The following SEC22A variants were observed in gnomAD, a reference collection of about 807,000 sequenced individuals.
SEC22A encodes the protein SEC22 homolog A, vesicle trafficking protein.
In SEC22A, 22 loss-of-function variants were observed where a neutral mutation model predicts 35.3. That is an observed-to-expected ratio of 0.62 (90% confidence interval 0.45 to 0.89). The LOEUF is 0.89. Among genes scored for constraint, SEC22A ranks in the 40% least tolerant of loss-of-function variants. The pLI is 0.00. For synonymous variants in SEC22A, 119 were observed against 129.5 expected, an observed-to-expected ratio of 0.92 and a Z score of 0.55; for missense variants, 354 against 362.5, an observed-to-expected ratio of 0.98 and a Z score of 0.19.
rs77315752 is a variant in SEC22A, at chr3:123,214,248, T to C, written c.182+4849T>C. The stretch of plus-strand genomic sequence containing the variant: ...ATAAAATAAAATTGAGAAAATTCCT[T>C]TAGTTTTCTTCTCCTCTGTATTGGG... On this transcript the variant is annotated intron_variant, in intron 2 of 6. Transcript: ENST00000492595. 3.4e-4 allele frequency among the ~76,000 whole-genome samples: 52 copies of C among 152,274 alleles called. No individual in the cohort carries two copies. The East Asian group carries it at 9.6e-3, about 28-fold the overall frequency.
intron 2 of SEC22A, among the ~76,000 whole-genome samples, chr3:123,217,109 G>A (rs1407482458): frequency 6.6e-6 from 1 of 152,122 alleles, no homozygotes; most frequent in African/African-American, 2.4e-5. Flanking sequence ...GATTACAGGT[G>A]TGAGCCGCTG....
Position 123,250,027 on chromosome 3 carries a change from ACT to A in SEC22A, c.657+4018_657+4019del, listed in dbSNP as rs777948875. Among the ~76,000 whole-genome samples the A allele has an allele frequency of 6.6e-5, 10 of 152,222 alleles. No individual in the cohort carries two copies. The East Asian group carries it at 9.6e-4, about 15-fold the overall frequency. On this transcript the variant is annotated intron_variant, in intron 5 of 6. Transcript: ENST00000492595. ...AGAGGAGAGAAGAAAAATATGTGGA[ACT>A]CTCTGCTTAATTTTCTGTAGACCTA...
intron 4 of SEC22A, among the ~76,000 whole-genome samples, chr3:123,227,961 A>C (rs891435347): frequency 2.0e-5 from 3 of 151,864 alleles, no homozygotes; most frequent in Non-Finnish European, 2.9e-5. Flanking sequence ...AAAAAAAAAA[A>C]AACTCCAGTT....
At chr3:123,247,476 C>T (rs1378523932) in intron 5 of SEC22A, among the ~76,000 whole-genome samples, 3 of 152,204 alleles carry the variant, frequency 2.0e-5, no homozygotes, top group Non-Finnish European at 4.4e-5. Context: ...ATTTCAGGCA[C>T]TCAGATATTA....
chr3:123,204,437 C>T (rs1936813540), intron 1 of SEC22A, among the ~76,000 whole-genome samples: 1 of 152,122 alleles, frequency 6.6e-6, no homozygotes, highest in African/African-American at 2.4e-5. Context: ...TTAAAAGTGG[C>T]ATTTGTGAAA....
Position 123,232,787 on chromosome 3 carries a change from A to G in SEC22A, c.541+7490A>G, listed in dbSNP as rs146250177. 3.2e-3 allele frequency among the ~76,000 whole-genome samples: 487 copies of G among 152,336 alleles called. 3 individuals carry two copies. The highest frequency in any genetic ancestry group is 0.011 in the African/African-American group (444 of 41,582). On this transcript the variant is annotated intron_variant, in intron 4 of 6. Coordinates refer to ENST00000492595, the MANE Select transcript of SEC22A (RefSeq NM_012430.5). ...ATGCAGACCAATATATCTTATGAAT[A>G]TGGACACAAAAGTCCTCAGCAAAAT...
At position 123,259,576 on chromosome 3, in the gene SEC22A, C is replaced by G; in HGVS notation, c.710C>G (p.Ala237Gly). 1 of 1,611,364 alleles carries G rather than the reference C, an allele frequency of 6.2e-7. No individual in the cohort carries two copies. The highest frequency in any genetic ancestry group is 1.1e-5 in the South Asian group (1 of 90,798). Residue 237 changes from alanine to glycine, a missense_variant, in exon 6 of 7, where the codon GCC becomes GGC. Transcript: ENST00000492595. ...YIIAFFLGTA[A>G]CLYQCYLLVY... ...ATTGCATTTTTCCTTGGAACAGCAG[C>G]CTGCCTTTACCAGGTAGGTTTTCTT...
chr3:123,264,697 C>A (rs1456466106), intron 6 of SEC22A, among the ~76,000 whole-genome samples: 1 of 150,380 alleles, frequency 6.6e-6, no homozygotes, highest in Non-Finnish European at 1.5e-5. Context: ...GTCATGATCT[C>A]GGCTCACTGC....
chr3:123,256,669 A>C (rs919211006), intron 5 of SEC22A, among the ~76,000 whole-genome samples: 13 of 150,636 alleles, frequency 8.6e-5, no homozygotes, highest in African/African-American at 3.2e-4. Flanking sequence ...ATCAGTTATC[A>C]CTTTGGGTGG....
intron 6 of SEC22A, among the ~76,000 whole-genome samples, chr3:123,269,757 C>T (rs998408095): frequency 3.3e-5 from 5 of 151,282 alleles, no homozygotes; most frequent in South Asian, 2.1e-4. Context: ...CTCAGCTTCC[C>T]GAGTAGCTGG....
intron 4 of SEC22A, among the ~76,000 whole-genome samples, chr3:123,231,450 TA>T (rs1559756459): frequency 6.6e-6 from 1 of 152,134 alleles, no homozygotes. Context: ...TTCATAAATT[TA>T]AAAGGATAGA....
chr3:123,210,613 A>G (rs560837533), intron 2 of SEC22A, among the ~76,000 whole-genome samples: 2 of 152,342 alleles, frequency 1.3e-5, no homozygotes, highest in South Asian at 4.1e-4. Flanking sequence ...TTTGGAAGTC[A>G]GCTTACAGTT....
chr3:123,233,708 A>AC (rs1937362184), intron 4 of SEC22A, among the ~76,000 whole-genome samples: 1 of 152,204 alleles, frequency 6.6e-6, no homozygotes, highest in South Asian at 2.1e-4. Context: ...CAACTTGATA[A>AC]AAGTCCCTTA....
chr3:123,242,375 G>A (rs1361125110), intron 4 of SEC22A, among the ~76,000 whole-genome samples: 1 of 151,878 alleles, frequency 6.6e-6, no homozygotes, highest in Non-Finnish European at 1.5e-5. Flanking sequence ...TCATCTTTCC[G>A]ATCACCTAGA....
At chr3:123,213,585 C>A (rs951614959) in intron 2 of SEC22A, among the ~76,000 whole-genome samples, 1 of 152,128 alleles carries the variant, frequency 6.6e-6, no homozygotes, top group African/African-American at 2.4e-5. Context: ...CCTTTTTCAT[C>A]ACTTATTAAA....
intron 5 of SEC22A, among the ~76,000 whole-genome samples, chr3:123,251,285 G>T (rs1937610718): frequency 6.6e-6 from 1 of 152,174 alleles, no homozygotes; most frequent in Admixed American, 6.5e-5. Context: ...TGGGGAAAAG[G>T]TTAGAGTGGT....
In SEC22A at chr3:123,271,958, G is replaced by A. The variant is rs4234210; in HGVS notation, c.*236G>A. ...GGAGGGGATTTCTCTCTTCAAGGCC[G>A]TAACAGTGGAAGAACAGTCATATGC... On this transcript the variant is annotated 3_prime_UTR_variant, in exon 7 of 7. Coordinates refer to ENST00000492595, the MANE Select transcript of SEC22A (RefSeq NM_012430.5). 1 allele frequency: 538,216 copies of A among 539,450 alleles called. 268,505 individuals are homozygous for A. Among genetic ancestry groups the A allele is most frequent in the East Asian group, 1 (31,886 of 31,886 alleles). 33.4% of individuals were successfully genotyped at this position (539,450 alleles called of 1,614,324 possible). A position where few individuals can be genotyped will look rare whatever the true frequency, so the allele number is the denominator to read the frequency against.
At chr3:123,213,995 A>G (rs1334207686) in intron 2 of SEC22A, among the ~76,000 whole-genome samples, 1 of 152,014 alleles carries the variant, frequency 6.6e-6, no homozygotes, top group African/African-American at 2.4e-5. Context: ...ACCATCCTGG[A>G]CAACATGGTG....
intron 4 of SEC22A, among the ~76,000 whole-genome samples, chr3:123,244,945 G>C (rs1937554804): frequency 6.6e-6 from 1 of 152,136 alleles, no homozygotes; most frequent in Non-Finnish European, 1.5e-5. Flanking sequence ...TATAACTTTT[G>C]TGCTGCTGCA....
Sources: gnomAD v4.1 joint callset for allele counts (sites outside exome capture counted in the v4.1 genomes callset) on GRCh38, gnomAD v4.1.1 for gene constraint, MANE v1.5 for transcripts, NCBI Gene and HGNC (gene_info 2026-07-23, HGNC 2026-07-21) for gene names.